Variants in CLSTN3 observed in about 807,000 individuals in gnomAD.
CLSTN3 encodes the protein calsyntenin 3.
CLSTN3 carries 36 observed loss-of-function variants against 95.9 expected under a neutral mutation model. The ratio of observed to expected loss-of-function variants is 0.38; its 90% CI spans 0.29 to 0.50. The LOEUF is 0.50. Ranked by LOEUF, CLSTN3 falls within the 20% of genes least tolerant of loss-of-function variation. The pLI, the probability that CLSTN3 is intolerant of heterozygous loss-of-function variation, is 0.95. For synonymous variants in CLSTN3, 481 were observed against 504.0 expected (o/e 0.95, Z 0.61); for missense variants, 1,084 against 1,268.8 (o/e 0.85, Z 2.21).
chr12:7,150,290 T>A lies in CLSTN3; in HGVS notation c.2246-254T>A, dbSNP rs1939700772. ...CTTTCTGTCTTTCAGGATGTCTTTA[T>A]CTCCTTCTTTCCATTCCTCCTCAGA... On this transcript the variant is annotated intron_variant, in intron 14 of 17. Transcript: ENST00000266546. The surrounding 1 kb of genome is among the most constrained non-coding windows in gnomAD (Gnocchi z 4.0). Among the ~76,000 whole-genome samples the A allele has an allele frequency of 6.6e-6, 1 of 152,186 alleles. No homozygotes were observed. The highest frequency in any genetic ancestry group is 1.5e-5 in the Non-Finnish European group (1 of 68,028).
upstream of CLSTN3, chr12:7,130,316 C>CGG: frequency 2.1e-6 from 2 of 946,940 alleles, no homozygotes; most frequent in Non-Finnish European, 2.8e-6. Context: ...CCCCCCCTCC[C>CGG]AGTCACCTGA....
chr12:7,136,035 G>T (rs1293502017), intron 5 of CLSTN3, 82 bp downstream of exon 5: 1 of 1,531,052 alleles, frequency 6.5e-7, no homozygotes, highest in East Asian at 2.3e-5. Context: ...CAATCATGGG[G>T]GCCAGGCTAG....
rs76222541 is a variant in CLSTN3 at position 7,130,926 on chromosome 12, G to T, written c.64+214G>T. The T allele has an allele frequency of 2.1e-3, 1,261 of 609,354 alleles. 21 individuals carry two copies. In the African/African-American group the frequency reaches 0.021, roughly 10 times the overall value. 37.7% of individuals were successfully genotyped at this position (609,354 alleles called of 1,614,324 possible). A position where few individuals can be genotyped will look rare whatever the true frequency, so the allele number is the denominator to read the frequency against. ...TCCTTTCTGGTCCATCTCTACCCAT[G>T]CGTTTCTCTTGCTGGTCATCTTGCT... is the stretch of plus-strand genomic sequence containing the variant. On this transcript the variant is annotated intron_variant, in intron 1 of 17. Coordinates refer to ENST00000266546, the MANE Select transcript of CLSTN3 (RefSeq NM_014718.4).
chr12:7,129,526 G>C (rs1164336108), upstream of CLSTN3: 1 of 794,108 alleles, frequency 1.3e-6, no homozygotes, highest in African/African-American at 1.9e-5. This position sits in a 1 kb window ranked among gnomAD's most constrained non-coding sequence, Gnocchi z 5.5. Context: ...CTATTCTGGA[G>C]AATTTTATTC....
At chr12:7,156,436 G>T (rs1939817156) in intron 16 of CLSTN3, 3 of 456,974 alleles carry the variant, frequency 6.6e-6, no homozygotes, top group Non-Finnish European at 1.3e-5. Flanking sequence ...TCTTCCTTCA[G>T]GGGGTTGCCT....
intron 3 of CLSTN3, among the ~76,000 whole-genome samples, chr12:7,134,619 C>T (rs1450812458): frequency 3.3e-5 from 5 of 152,248 alleles, no homozygotes; most frequent in African/African-American, 9.6e-5. Context: ...ACTGCCCACA[C>T]GTACTGTGCA....
chr12:7,137,129 C>A lies in CLSTN3; in HGVS notation c.1210+19C>A. Reference sequence around the variant, plus strand: ...CAGAATGGTGAGCCTCCCCTCCAGGCACTAGCCAGAGGGGGAAACTGGCTT... The same window carrying A: ...CAGAATGGTGAGCCTCCCCTCCAGGAACTAGCCAGAGGGGGAAACTGGCTT... On this transcript the variant is annotated intron_variant, in intron 7 of 17. Coordinates refer to ENST00000266546, the MANE Select transcript of CLSTN3 (RefSeq NM_014718.4). This position sits in a 1 kb window ranked among gnomAD's most constrained non-coding sequence, Gnocchi z 4.4. The A allele has an allele frequency of 6.3e-7, 1 of 1,587,186 alleles. No individual in the cohort carries two copies. The highest frequency in any genetic ancestry group is 8.6e-7 in the Non-Finnish European group (1 of 1,165,726).
intron 12 of CLSTN3, among the ~76,000 whole-genome samples, chr12:7,147,926 G>T (rs1028365099): frequency 6.6e-6 from 1 of 152,082 alleles, no homozygotes. Flanking sequence ...AGGCCGAGAC[G>T]GACAGATCAC....
chr12:7,140,553 C>T (rs1478070225), intron 8 of CLSTN3, among the ~76,000 whole-genome samples: 1 of 152,084 alleles, frequency 6.6e-6, no homozygotes, highest in Non-Finnish European at 1.5e-5. Flanking sequence ...TTCCTCTGAC[C>T]ATCCCCCATT....
Position 7,150,963 on chromosome 12 carries a change from C to G in CLSTN3, c.2427C>G (p.His809Gln), listed in dbSNP as rs1221537424. Residue 809 changes from histidine to glutamine, a missense_variant, in exon 16 of 18, where the codon CAC becomes CAG. By Grantham distance (24) the His-to-Gln change is conservative (BLOSUM62 0). Transcript: ENST00000266546. This position sits in a 1 kb window ranked among gnomAD's most constrained non-coding sequence, Gnocchi z 4.0. ...NVLHSMNRVA[H>Q]PSHVLSSQQF... ...TGCACAGCATGAACCGGGTTGCCCA[C>G]CCCAGCCACGTGCTCAGCTCCCAGC... 1 of 1,612,058 alleles carries G rather than the reference C, an allele frequency of 6.2e-7. No homozygotes were observed. The highest frequency in any genetic ancestry group is 2.2e-5 in the East Asian group (1 of 44,842).
rs986933673 is a variant in CLSTN3 at position 7,158,164 on chromosome 12, AAC to A, written c.*87_*88del. On this transcript the variant is annotated 3_prime_UTR_variant, in exon 18 of 18. Coordinates refer to ENST00000266546, the MANE Select transcript of CLSTN3 (RefSeq NM_014718.4). The stretch of plus-strand genomic sequence containing the variant: ...AGACATGGGAGAAGGACTTTCTGGG[AAC>A]ACAGAGACCAAGAGGGAGAGAGGCT... 1 of 1,418,608 alleles carries A rather than the reference AAC, an allele frequency of 7.0e-7. No individual in the cohort carries two copies. Among genetic ancestry groups the A allele is most frequent in the African/African-American group, 1.4e-5 (1 of 68,978 alleles). 87.9% of individuals were successfully genotyped at this position (1,418,608 alleles called of 1,614,324 possible). A position where few individuals can be genotyped will look rare whatever the true frequency, so the allele number is the denominator to read the frequency against.
In CLSTN3 at chr12:7,137,795, T is replaced by TGTGTGTGAGAGAGA. The variant is rs768487238; in HGVS notation, c.1211-159_1211-158insTGTGTGAGAGAGAG. Among the ~76,000 whole-genome samples the TGTGTGTGAGAGAGA allele has an allele frequency of 2.0e-4, 14 of 70,676 alleles. No individual in the cohort carries two copies. Among genetic ancestry groups the TGTGTGTGAGAGAGA allele is most frequent in the East Asian group, 1.1e-3 (2 of 1,882 alleles). The allele number at this position is 70,676 out of a possible 152,430, so 46.4% of individuals were successfully genotyped here. A position where few individuals can be genotyped will look rare whatever the true frequency, so the allele number is the denominator to read the frequency against. ...GTGTGTGTGTGTGTGTGTGTGTGTG[T>TGTGTGTGAGAGAGA]GAGAGAGAGAGAGAGAGAGAGAGAG... On this transcript the variant is annotated intron_variant, in intron 7 of 17. Transcript: ENST00000266546. This position sits in a 1 kb window ranked among gnomAD's most constrained non-coding sequence, Gnocchi z 4.4.
In CLSTN3 at chr12:7,141,292, A is replaced by G; in HGVS notation, c.1374A>G (p.Thr458=). ...HHYALNLEFP[T]VTLYTDGISF... ...ACGCTCTGAACCTCGAGTTCCCCAC[A>G]GTCACACTCTATACCGACGGCATCT... The change falls in exon 9 of 18, where the codon ACA becomes ACG. Residue 458 remains threonine (T), a synonymous_variant. Coordinates refer to ENST00000266546, the MANE Select transcript of CLSTN3 (RefSeq NM_014718.4). This position sits in a 1 kb window ranked among gnomAD's most constrained non-coding sequence, Gnocchi z 4.1. 1 of 1,614,158 alleles carries G rather than the reference A, an allele frequency of 6.2e-7. No homozygotes were observed. Among genetic ancestry groups the G allele is most frequent in the Non-Finnish European group, 8.5e-7 (1 of 1,180,028 alleles).
At chr12:7,148,464 A>G (rs1275816746) in intron 12 of CLSTN3, among the ~76,000 whole-genome samples, 1 of 152,174 alleles carries the variant, frequency 6.6e-6, no homozygotes, top group Non-Finnish European at 1.5e-5. Context: ...TTTCCCCGAT[A>G]TTGAAGGGAA....
At chr12:7,146,510 A>T (rs2135809281) in intron 12 of CLSTN3, among the ~76,000 whole-genome samples, 1 of 152,106 alleles carries the variant, frequency 6.6e-6, no homozygotes, top group East Asian at 1.9e-4. Flanking sequence ...TCCCCTTAGT[A>T]AGCTTCTCGC....
chr12:7,131,744 C>CGCCTCCTAGCCTCCTAGCCTCCTA (rs4013721), intron 1 of CLSTN3: 1 of 455,020 alleles, frequency 2.2e-6, no homozygotes, highest in African/African-American at 2.0e-5. Context: ...ACCTCAGCCT[C>CGCCTCCTAGCCTCCTAGCCTCCTA]GCCTCCTAGC....
At chr12:7,155,437 C>T (rs751695231) in intron 16 of CLSTN3, among the ~76,000 whole-genome samples, 22 of 152,278 alleles carry the variant, frequency 1.4e-4, no homozygotes, top group East Asian at 3.9e-4. Flanking sequence ...TTGATTAGGG[C>T]GCAAACCAGC....
In CLSTN3 at chr12:7,140,742, C is replaced by T. The variant is rs141647269; in HGVS notation, c.1324-500C>T. On this transcript the variant is annotated intron_variant, in intron 8 of 17. Transcript: ENST00000266546. The stretch of plus-strand genomic sequence containing the variant: ...TAGGCAACATAGTGATAGCTCATCT[C>T]TAAAAAATAAAAAAATTAGCTGGAC... Among the ~76,000 whole-genome samples, 231 of 152,230 alleles carry T rather than the reference C, an allele frequency of 1.5e-3. 1 individual carries two copies. In the South Asian group the frequency reaches 0.017, roughly 11 times the overall value.
chr12:7,157,444 G>C lies in CLSTN3; in HGVS notation c.2528-45G>C. 1 of 1,503,638 alleles carries C rather than the reference G, an allele frequency of 6.7e-7. No individual in the cohort carries two copies. The highest frequency in any genetic ancestry group is 8.9e-7 in the Non-Finnish European group (1 of 1,121,266). The allele number at this position is 1,503,638 out of a possible 1,614,324, so 93.1% of individuals were successfully genotyped here. A position where few individuals can be genotyped will look rare whatever the true frequency, so the allele number is the denominator to read the frequency against. On this transcript the variant is annotated intron_variant, in intron 16 of 17. Transcript: ENST00000266546. This position sits in a 1 kb window ranked among gnomAD's most constrained non-coding sequence, Gnocchi z 5.9. ...CCAGCCCCCTGTCCAAGTGCCCCCAGGTGTGCCTAGTCACGCTCTGCTCAC... is the reference window on the plus strand; with the variant it reads ...CCAGCCCCCTGTCCAAGTGCCCCCACGTGTGCCTAGTCACGCTCTGCTCAC...
Sources: gnomAD v4.1 joint callset for allele counts (sites outside exome capture counted in the v4.1 genomes callset) on GRCh38, gnomAD v4.1.1 for gene constraint, Gnocchi (gnomAD v3.1) non-coding constraint, MANE v1.5 for transcripts, NCBI Gene and HGNC (gene_info 2026-07-23, HGNC 2026-07-21) for gene names.